Variants in TRPM7 observed in about 807,000 individuals in gnomAD.
TRPM7 encodes LTRPC ion channel family member 7.
TRPM7 carries 134 observed loss-of-function variants against 229.7 expected under a neutral mutation model. The observed-to-expected ratio is 0.58, with a 90% CI of 0.51 to 0.67. The LOEUF (loss-of-function observed/expected upper bound fraction) is 0.67. Ranked by LOEUF, TRPM7 falls within the 30% of genes least tolerant of loss-of-function variation. The pLI is 0.00. For missense variants in TRPM7, 1,901 were observed against 2,210.0 expected (o/e 0.86, Z 2.80); for synonymous variants, 699 against 715.2 (o/e 0.98, Z 0.36).
chr15:50,658,179 G>C (rs1338766762), intron 2 of TRPM7, among the ~76,000 whole-genome samples: 4 of 151,638 alleles, frequency 2.6e-5, no homozygotes, highest in Admixed American at 6.6e-5. Context: ...TAATTTTTTT[G>C]CATTTTTACT....
At position 50,637,604 on chromosome 15, in the gene TRPM7, G is replaced by A. The variant is rs758359103; in HGVS notation, c.661-11C>T. On this transcript the variant is annotated splice_polypyrimidine_tract_variant and intron_variant, in intron 6 of 38. Coordinates refer to ENST00000646667, the MANE Select transcript of TRPM7 (RefSeq NM_017672.6). ...ATAAGGAGCAACCACCTAAACAATA[G>A]CAAACAAAAGAGTTAGTGAGCAGGA... 1 of 1,606,112 alleles carries A rather than the reference G, an allele frequency of 6.2e-7. No homozygotes were observed. Among genetic ancestry groups the A allele is most frequent in the Non-Finnish European group, 8.5e-7 (1 of 1,176,842 alleles).
intron 1 of TRPM7, among the ~76,000 whole-genome samples, chr15:50,673,756 T>C (rs1596346258): frequency 1.3e-5 from 2 of 152,292 alleles, no homozygotes; most frequent in East Asian, 3.9e-4. Context: ...CAAGTATCTT[T>C]TTCTTATAAT....
At chr15:50,632,574 T>C (rs544746430) in intron 9 of TRPM7, among the ~76,000 whole-genome samples, 55 of 152,304 alleles carry the variant, frequency 3.6e-4, no homozygotes, top group African/African-American at 1.2e-3. Flanking sequence ...AACAACTCTT[T>C]ATAGTTCTTC....
intron 36 of TRPM7, among the ~76,000 whole-genome samples, chr15:50,573,221 G>C (rs1016118419): frequency 1.3e-5 from 2 of 152,152 alleles, no homozygotes. Flanking sequence ...GGCTACCCTT[G>C]TAAGTTGCCT....
At chr15:50,662,035 T>A (rs1003638785) in intron 2 of TRPM7, among the ~76,000 whole-genome samples, 3 of 152,126 alleles carry the variant, frequency 2.0e-5, no homozygotes, top group African/African-American at 7.2e-5. Flanking sequence ...CTGGCCAACA[T>A]AGTAAAACCC....
At chr15:50,569,042 AT>A (rs79577076) in intron 38 of TRPM7, among the ~76,000 whole-genome samples, 25,381 of 150,810 alleles carry the variant, frequency 0.17, 2,832 homozygotes, top group East Asian at 0.44. Flanking sequence ...GACATGTGTA[AT>A]TTTTTTTTTA....
chr15:50,634,932 TTACAA>T (rs1466761500), intron 7 of TRPM7, among the ~76,000 whole-genome samples: 15 of 152,326 alleles, frequency 9.8e-5, no homozygotes, highest in South Asian at 2.1e-4. Flanking sequence ...TTAGTTTGCT[TTACAA>T]TACATTAGTT....
At chr15:50,624,982 T>C (rs892526310) in intron 11 of TRPM7, among the ~76,000 whole-genome samples, 5 of 152,234 alleles carry the variant, frequency 3.3e-5, no homozygotes, top group Admixed American at 2.6e-4. Flanking sequence ...ATACAACTTA[T>C]GTCCTTTGTG....
intron 21 of TRPM7, among the ~76,000 whole-genome samples, chr15:50,600,368 C>T (rs1316228710): frequency 6.7e-6 from 1 of 150,110 alleles, no homozygotes; most frequent in African/African-American, 2.5e-5. Context: ...ACCCAGGAGG[C>T]GGAGGCTGCA....
chr15:50,616,831 C>T (rs561856172), intron 13 of TRPM7, among the ~76,000 whole-genome samples: 4 of 152,060 alleles, frequency 2.6e-5, no homozygotes, highest in Admixed American at 6.6e-5. Context: ...CAGGCACATG[C>T]CACCACACCT....
intron 17 of TRPM7, 36 bp downstream of exon 17, chr15:50,611,057 T>C: frequency 6.7e-7 from 1 of 1,499,136 alleles, no homozygotes; most frequent in Non-Finnish European, 9.3e-7. Context: ...TTTTATCTAA[T>C]CACATGCTTT....
intron 5 of TRPM7, 135 bp from the exon 6 acceptor site, chr15:50,639,683 G>C: frequency 1.5e-6 from 1 of 653,278 alleles, no homozygotes. Flanking sequence ...CCTCCCTTGT[G>C]AGCCTCCCCA....
At chr15:50,646,032 G>C (rs561187105) in intron 4 of TRPM7, among the ~76,000 whole-genome samples, 1 of 151,028 alleles carries the variant, frequency 6.6e-6, no homozygotes, top group South Asian at 2.1e-4. Flanking sequence ...CAGGAGAATC[G>C]CTTGAACCCA....
intron 21 of TRPM7, chr15:50,604,643 A>G (rs887660232): frequency 2.6e-6 from 1 of 382,972 alleles, no homozygotes; most frequent in Admixed American, 4.2e-5. Context: ...GACATAAACC[A>G]TAGATGGTAT....
intron 27 of TRPM7, chr15:50,588,135 C>T (rs2059390410): frequency 2.7e-6 from 2 of 752,682 alleles, no homozygotes; most frequent in African/African-American, 1.9e-5. Flanking sequence ...TCTAAAAGCA[C>T]ATGGGTATAT....
intron 21 of TRPM7, among the ~76,000 whole-genome samples, chr15:50,603,241 T>G (rs1332032132): frequency 2.0e-5 from 3 of 152,148 alleles, no homozygotes; most frequent in Non-Finnish European, 4.4e-5. Context: ...CCTAAAAATC[T>G]TGTTTTCAAG....
chr15:50,622,418 T>C (rs538195332), intron 12 of TRPM7, among the ~76,000 whole-genome samples: 2 of 152,344 alleles, frequency 1.3e-5, no homozygotes, highest in East Asian at 3.9e-4. Context: ...ATTTAAAAAA[T>C]TACTTGTCTT....
chr15:50,590,764 C>G (rs2059467501), intron 26 of TRPM7, among the ~76,000 whole-genome samples: 1 of 150,786 alleles, frequency 6.6e-6, no homozygotes, highest in Non-Finnish European at 1.5e-5. Context: ...GCAGAGGTTG[C>G]AGCGAGCCGA....
intron 1 of TRPM7, among the ~76,000 whole-genome samples, chr15:50,681,945 G>A (rs2062247317): frequency 6.6e-6 from 1 of 152,120 alleles, no homozygotes; most frequent in Non-Finnish European, 1.5e-5. Context: ...ACTTTGGGAG[G>A]CTGAGGTGGA....
Sources: allele counts gnomAD v4.1 joint callset (sites outside exome capture counted in the v4.1 genomes callset), GRCh38; gene constraint gnomAD v4.1.1; transcripts MANE v1.5; gene names NCBI Gene and HGNC (gene_info 2026-07-23, HGNC 2026-07-21).